IL1R1: variants seen among roughly 807,000 people sequenced by gnomAD.
The protein encoded by IL1R1 is interleukin-1 receptor type 1.
A neutral mutation model predicts 50.2 loss-of-function variants in IL1R1; 22 were observed. The ratio of observed to expected loss-of-function variants is 0.44; its 90% confidence interval spans 0.31 to 0.63. The LOEUF (loss-of-function observed/expected upper bound fraction) is 0.63, where lower values mean the gene tolerates loss of function less well. Ranked by LOEUF, IL1R1 falls within the 20% of genes least tolerant of loss-of-function variation. IL1R1 has a pLI of 0.07. For missense variants in IL1R1, 509 were observed against 676.2 expected, an observed-to-expected ratio of 0.75 and a Z score of 2.74; for synonymous variants, 251 against 236.7, an observed-to-expected ratio of 1.06 and a Z score of -0.55.
chr2:102,115,397 T>C (rs1182293964), intron 1 of IL1R1, among the ~76,000 whole-genome samples: 1 of 152,230 alleles, frequency 6.6e-6, no homozygotes, highest in African/African-American at 2.4e-5. Flanking sequence ...GCTTTCAGTT[T>C]TTTAAGGCAC....
At chr2:102,138,085 T>C (rs189186003), upstream of IL1R1, among the ~76,000 whole-genome samples, 5 of 152,290 alleles carry the variant, frequency 3.3e-5, no homozygotes, top group Non-Finnish European at 7.4e-5. Context: ...GAACAGAGGT[T>C]AGAACAGGCA....
chr2:102,111,481 A>G (rs1680758979), intron 1 of IL1R1, among the ~76,000 whole-genome samples: 1 of 152,220 alleles, frequency 6.6e-6, no homozygotes, highest in Non-Finnish European at 1.5e-5. Context: ...CTCATTCATT[A>G]TCTCATGCAT....
chr2:102,131,150 A>G (rs566541472), intron 1 of IL1R1, among the ~76,000 whole-genome samples: 2 of 152,340 alleles, frequency 1.3e-5, no homozygotes, highest in African/African-American at 4.8e-5. Flanking sequence ...GATTTGTTAG[A>G]GGACTCAGAA....
chr2:102,124,242 T>C (rs1278795069), intron 1 of IL1R1, among the ~76,000 whole-genome samples: 1 of 151,964 alleles, frequency 6.6e-6, no homozygotes, highest in Admixed American at 6.6e-5. Flanking sequence ...GGCAACATGG[T>C]GAAACTCCAT....
At position 102,077,302 on chromosome 2, in the gene IL1R1, C is replaced by G. The variant is rs536990255; in HGVS notation, c.-84+6769C>G. On this transcript the variant is annotated intron_variant, in intron 1 of 11. Transcript: ENST00000409929. ...GCCAGGCTGGTCTTGAACTCCTGAC[C>G]TCAGGTGATCCACCCACCTTGGCCT... Among the ~76,000 whole-genome samples, 520 of 152,278 alleles carry G rather than the reference C, an allele frequency of 3.4e-3. 4 individuals are homozygous for G. The highest frequency in any genetic ancestry group is 0.012 in the African/African-American group (487 of 41,544).
chr2:102,083,664 G>C (rs1056334760), intron 1 of IL1R1, among the ~76,000 whole-genome samples: 1 of 152,134 alleles, frequency 6.6e-6, no homozygotes, highest in East Asian at 1.9e-4. Context: ...TGGAAATATC[G>C]GCCAGGTGTG....
At chr2:102,104,769 C>A (rs1289368555) in exon 1 of IL1R1, 1 of 152,196 alleles carries the variant, frequency 6.6e-6, no homozygotes, top group African/African-American at 2.4e-5. Flanking sequence ...ATCAGCTCAG[C>A]AGGCTTCATT....
chr2:102,116,182 T>G lies in IL1R1; in HGVS notation c.-84+11310T>G, dbSNP rs138653439. 7.3e-3 allele frequency among the ~76,000 whole-genome samples: 1,115 copies of G among 152,330 alleles called. 9 individuals are homozygous for G. The highest frequency in any genetic ancestry group is 0.025 in the African/African-American group (1,041 of 41,568). On this transcript the variant is annotated intron_variant, in intron 1 of 10. Coordinates refer to the IL1R1 transcript ENST00000409329. ...CCCCAATGCATTGCTGCTTTCGACA[T>G]CTCTCCATTTCTCTAGCTTCTAACA...
intron 1 of IL1R1, among the ~76,000 whole-genome samples, chr2:102,072,571 C>T (rs13427957): frequency 0.46 from 69,372 of 151,534 alleles, 16,307 homozygotes; most frequent in African/African-American, 0.57. Flanking sequence ...TTTTTCACGT[C>T]TATTGGCTTT....
At chr2:102,076,532 T>G (rs1159195420) in intron 1 of IL1R1, among the ~76,000 whole-genome samples, 1 of 152,214 alleles carries the variant, frequency 6.6e-6, no homozygotes, top group Non-Finnish European at 1.5e-5. Flanking sequence ...TATAGATGTC[T>G]GAAAATGACT....
At chr2:102,127,214 G>T (rs547426879) in intron 1 of IL1R1, among the ~76,000 whole-genome samples, 1 of 152,208 alleles carries the variant, frequency 6.6e-6, no homozygotes, top group Non-Finnish European at 1.5e-5. Flanking sequence ...AGCTTCAGAA[G>T]GATCCAGGAC....
upstream of IL1R1, chr2:102,141,996 C>T (rs1682680840): frequency 6.6e-6 from 1 of 152,176 alleles, no homozygotes. Flanking sequence ...TTCTCATTGG[C>T]AAAGTGAGCT....
At chr2:102,091,275 C>T (rs563582675) in intron 1 of IL1R1, among the ~76,000 whole-genome samples, 2 of 152,236 alleles carry the variant, frequency 1.3e-5, no homozygotes, top group South Asian at 4.1e-4. Flanking sequence ...ATCTATCAAT[C>T]TTTAACAGCA....
At chr2:102,137,019 CA>C (rs1250124535) in intron 1 of IL1R1, among the ~76,000 whole-genome samples, 1 of 152,162 alleles carries the variant, frequency 6.6e-6, no homozygotes, top group African/African-American at 2.4e-5. Flanking sequence ...TTCTTTTACT[CA>C]AAATAGTATA....
intron 1 of IL1R1, among the ~76,000 whole-genome samples, chr2:102,082,584 G>T (rs144337157): frequency 2.8e-4 from 43 of 152,302 alleles, no homozygotes; most frequent in African/African-American, 9.6e-4. Context: ...GATAACGGAA[G>T]TAGTGGTTTT....
intron 1 of IL1R1, among the ~76,000 whole-genome samples, chr2:102,113,365 C>T (rs1012133922): frequency 2.0e-5 from 3 of 152,252 alleles, no homozygotes; most frequent in Admixed American, 6.5e-5. Context: ...ATCTTTTCTC[C>T]GAAAGTGCTG....
At chr2:102,084,503 A>G (rs1280156004) in intron 1 of IL1R1, among the ~76,000 whole-genome samples, 3 of 152,240 alleles carry the variant, frequency 2.0e-5, no homozygotes, top group Non-Finnish European at 4.4e-5. Flanking sequence ...AGTCTTATAC[A>G]TAATATGGAT....
At chr2:102,075,403 G>A (rs1028453472) in intron 1 of IL1R1, among the ~76,000 whole-genome samples, 10 of 152,250 alleles carry the variant, frequency 6.6e-5, no homozygotes, top group Middle Eastern at 6.8e-3. Context: ...GTGAGCTGGC[G>A]GGGAGCTATG....
intron 1 of IL1R1, among the ~76,000 whole-genome samples, chr2:102,119,254 T>G (rs1190339342): frequency 1.3e-5 from 2 of 152,190 alleles, no homozygotes; most frequent in Middle Eastern, 3.2e-3. Flanking sequence ...TTATTGCACT[T>G]CAAAAGTATT....
Sources: allele counts gnomAD v4.1 joint callset (sites outside exome capture counted in the v4.1 genomes callset), GRCh38; gene constraint gnomAD v4.1.1; transcripts MANE v1.5; gene names NCBI Gene and HGNC (gene_info 2026-07-23, HGNC 2026-07-21).